FAH: variants seen among roughly 807,000 people sequenced by gnomAD.
FAH encodes the protein fumarylacetoacetate hydrolase.
Under a neutral mutation model 55.8 loss-of-function variants are expected in FAH, and 47 were observed. The observed-to-expected ratio is 0.84, with a 90% CI of 0.67 to 1.07. The LOEUF (loss-of-function observed/expected upper bound fraction) is 1.07. Among genes scored for constraint, FAH ranks in the 50% least tolerant of loss-of-function variants. FAH has a pLI of 0.00. For synonymous variants in FAH, 199 were observed against 207.7 expected (o/e 0.96, Z 0.36); for missense variants, 495 against 545.9 (o/e 0.91, Z 0.93).
intron 13 of FAH, among the ~76,000 whole-genome samples, chr15:80,183,131 C>G (rs565952183): frequency 2.0e-5 from 3 of 152,106 alleles, no homozygotes; most frequent in Non-Finnish European, 4.4e-5. Context: ...CGCCTTACTC[C>G]GGAAGGATTT....
chr15:80,163,895 T>C (rs1369164348), intron 5 of FAH, among the ~76,000 whole-genome samples: 1 of 152,096 alleles, frequency 6.6e-6, no homozygotes, highest in Non-Finnish European at 1.5e-5. Flanking sequence ...GGTTGAAAAA[T>C]TGGTCTATTC....
At chr15:80,174,874 C>T in intron 9 of FAH, 142 bp from the exon 10 acceptor site, 1 of 729,778 alleles carries the variant, frequency 1.4e-6, no homozygotes, top group Non-Finnish European at 2.5e-6. Context: ...GTGCTGGGTC[C>T]CTGGAGAGGG....
chr15:80,177,631 G>C (rs1164803947), intron 11 of FAH, 48 bp downstream of exon 11: 7 of 1,535,688 alleles, frequency 4.6e-6, no homozygotes, highest in Non-Finnish European at 6.3e-6. Flanking sequence ...GAGGGAAAGA[G>C]AGACTTTTCT....
intron 1 of FAH, among the ~76,000 whole-genome samples, chr15:80,154,104 C>G (rs141293104): frequency 6.6e-6 from 1 of 152,304 alleles, no homozygotes; most frequent in Non-Finnish European, 1.5e-5. Flanking sequence ...GGTTTCACAT[C>G]TGGCCGGGCT....
chr15:80,169,244 A>T (rs1168385922), intron 7 of FAH, among the ~76,000 whole-genome samples: 1 of 151,860 alleles, frequency 6.6e-6, no homozygotes, highest in African/African-American at 2.4e-5. Context: ...TTAGCTGGGG[A>T]TGGTGGTGGG....
chr15:80,172,256 C>A lies in FAH; in HGVS notation c.706+8C>A, dbSNP rs1303736552. The A allele has an allele frequency of 1.9e-6, 3 of 1,590,214 alleles. No individual in the cohort carries two copies. The South Asian group carries it at 3.3e-5, about 18-fold the overall frequency. Reference sequence around the variant, plus strand: ...TTATGAACGACTGGAGTGGTAATTACTGGAGCTCTGCTCCTGTAGAGATGA... The same window carrying A: ...TTATGAACGACTGGAGTGGTAATTAATGGAGCTCTGCTCCTGTAGAGATGA... On this transcript the variant is annotated splice_region_variant and intron_variant, in intron 8 of 13. Coordinates refer to ENST00000561421, the MANE Select transcript of FAH (RefSeq NM_000137.4).
chr15:80,165,737 A>G (rs1311544358), intron 5 of FAH, among the ~76,000 whole-genome samples: 1 of 151,932 alleles, frequency 6.6e-6, no homozygotes, highest in African/African-American at 2.4e-5. Context: ...TACAGTAATA[A>G]AAGTGTATAG....
chr15:80,184,588 C>T (rs1001043619), intron 13 of FAH, among the ~76,000 whole-genome samples: 7 of 151,818 alleles, frequency 4.6e-5, no homozygotes, highest in African/African-American at 1.7e-4. Context: ...TTTTTTCACC[C>T]CAGTGGTGTG....
At chr15:80,186,508 T>C (rs1269385474), downstream of FAH, 1 of 459,232 alleles carries the variant, frequency 2.2e-6, no homozygotes, top group Admixed American at 3.4e-5. Context: ...CCTCCTGGTA[T>C]TCCATGGAAT....
chr15:80,162,484 C>CTCAGCT, intron 5 of FAH, 148 bp downstream of exon 5: 1 of 740,504 alleles, frequency 1.4e-6, no homozygotes. Context: ...AAGCAGTGGT[C>CTCAGCT]TCAGCTTCTG....
intron 13 of FAH, among the ~76,000 whole-genome samples, chr15:80,183,495 C>T (rs966926986): frequency 2.0e-5 from 3 of 152,236 alleles, no homozygotes; most frequent in African/African-American, 7.2e-5. Context: ...TCTACGACTT[C>T]ACTGGTCACG....
At chr15:80,186,599 G>T (rs1195004355), downstream of FAH, 1 of 283,584 alleles carries the variant, frequency 3.5e-6, no homozygotes, top group Admixed American at 4.7e-5. Context: ...TTTATTGATT[G>T]ATTGATTGAT....
intron 4 of FAH, 151 bp downstream of exon 4, chr15:80,160,610 C>A (rs1418087311): frequency 4.0e-6 from 3 of 748,594 alleles, no homozygotes; most frequent in Non-Finnish European, 7.1e-6. Context: ...CGCTCCTCAT[C>A]ACTGACCTTT....
intron 1 of FAH, chr15:80,156,079 T>A: frequency 3.3e-6 from 1 of 304,942 alleles, no homozygotes; most frequent in Non-Finnish European, 6.4e-6. Context: ...TGGAGCAGAG[T>A]GTTCCCTGAC....
chr15:80,158,833 A>G (rs1488666028), intron 2 of FAH, among the ~76,000 whole-genome samples: 1 of 152,136 alleles, frequency 6.6e-6, no homozygotes, highest in Non-Finnish European at 1.5e-5. Flanking sequence ...GGAATGAGAC[A>G]TGGTTTTCCC....
In FAH at chr15:80,159,871, G is replaced by A. The variant is rs747145977; in HGVS notation, c.308G>A (p.Arg103Gln). 39 of 1,614,030 alleles carry A rather than the reference G, an allele frequency of 2.4e-5. No individual in the cohort carries two copies. The highest frequency in any genetic ancestry group is 4.5e-5 in the East Asian group (2 of 44,898). The change falls in exon 3 of 14, where the codon CGG becomes CAG. Residue 103 changes from arginine (R) to glutamine (Q), a missense_variant. Arg to Gln is a conservative substitution (Grantham distance 43, BLOSUM62 1). Coordinates refer to ENST00000561421, the MANE Select transcript of FAH (RefSeq NM_000137.4). ...QARLRDDTELRKCAFISQASA... is the reference protein window; with the variant it reads ...QARLRDDTELQKCAFISQASA... ...AGGCTCAGAGATGACACCGAACTTC[G>A]GAAGTGGTGAGAAGCACGTGGTCAT...
chr15:80,184,234 TTTG>T (rs2041352479), intron 13 of FAH, among the ~76,000 whole-genome samples: 1 of 152,184 alleles, frequency 6.6e-6, no homozygotes, highest in South Asian at 2.1e-4. Context: ...ATAGTTATGA[TTTG>T]TTGTGGATTC....
chr15:80,170,975 G>A (rs2041235620), intron 7 of FAH, among the ~76,000 whole-genome samples: 1 of 152,174 alleles, frequency 6.6e-6, no homozygotes, highest in Non-Finnish European at 1.5e-5. Context: ...ATGACAGATA[G>A]GGGTTAGAGG....
rs141996799 is a variant in FAH, at chr15:80,179,333, C to A, written c.961-791C>A. On this transcript the variant is annotated intron_variant, in intron 11 of 13. Transcript: ENST00000561421. Reference sequence around the variant, plus strand: ...TATCCTCTGAATCATTGAACTATTTCTAGTTTCCCTAATTTCCCTTCTAAT... The same window carrying A: ...TATCCTCTGAATCATTGAACTATTTATAGTTTCCCTAATTTCCCTTCTAAT... 5.6e-3 allele frequency among the ~76,000 whole-genome samples: 852 copies of A among 152,324 alleles called. 8 individuals carry two copies. The highest frequency in any genetic ancestry group is 0.019 in the African/African-American group (805 of 41,574).
Sources: allele counts gnomAD v4.1 joint callset (sites outside exome capture counted in the v4.1 genomes callset), GRCh38; gene constraint gnomAD v4.1.1; transcripts MANE v1.5; gene names NCBI Gene and HGNC (gene_info 2026-07-23, HGNC 2026-07-21).